The following NCKAP5 variants were observed in gnomAD, a reference collection of about 807,000 sequenced individuals.
NCKAP5 encodes the protein NCK associated protein 5.
In NCKAP5, 92 loss-of-function variants were observed where a neutral mutation model predicts 167.0. The ratio of observed to expected loss-of-function variants is 0.55; its 90% CI spans 0.47 to 0.66. NCKAP5 has a LOEUF of 0.66. Ranked by LOEUF, NCKAP5 falls within the 30% of genes least tolerant of loss-of-function variation. The pLI, the probability that NCKAP5 is intolerant of heterozygous loss-of-function variation, is 0.00. For missense variants in NCKAP5, 2,378 were observed against 2,315.0 expected, an observed-to-expected ratio of 1.03 and a Z score of -0.56; for synonymous variants, 891 against 877.4, an observed-to-expected ratio of 1.02 and a Z score of -0.27.
chr2:133,251,397 T>C (rs2088319659), intron 4 of NCKAP5, among the ~76,000 whole-genome samples: 1 of 151,992 alleles, frequency 6.6e-6, no homozygotes, highest in Non-Finnish European at 1.5e-5. Context: ...ACCCAGACCC[T>C]AAAACTGCCA....
chr2:133,220,153 A>G (rs2086600772), intron 4 of NCKAP5, among the ~76,000 whole-genome samples: 1 of 152,332 alleles, frequency 6.6e-6, no homozygotes, highest in Non-Finnish European at 1.5e-5. Context: ...GCCTCAGTTC[A>G]TCTGCTGGAA....
chr2:133,237,445 GA>G (rs565638084), intron 4 of NCKAP5, among the ~76,000 whole-genome samples: 1 of 152,134 alleles, frequency 6.6e-6, no homozygotes, highest in Non-Finnish European at 1.5e-5. Context: ...AAAAACTGAA[GA>G]AAAAACTTCA....
chr2:133,599,937 A>G, the NCKAP5 span, among the ~76,000 whole-genome samples: 1 of 152,222 alleles, frequency 6.6e-6, no homozygotes, highest in South Asian at 2.1e-4. Context: ...AATCCGTCAC[A>G]CACCCTGTGG....
At chr2:133,030,576 C>G (rs2078847453) in intron 6 of NCKAP5, among the ~76,000 whole-genome samples, 2 of 152,148 alleles carry the variant, frequency 1.3e-5, no homozygotes, top group South Asian at 4.1e-4. Context: ...AAGGTAAGTA[C>G]AAAGCATTCT....
chr2:133,213,622 A>C, intron 5 of NCKAP5, 94 bp downstream of exon 5: 1 of 1,222,128 alleles, frequency 8.2e-7, no homozygotes, highest in Non-Finnish European at 1.2e-6. Flanking sequence ...CTGCAAGCAA[A>C]TATTTTCCTT....
In NCKAP5 at chr2:133,543,159, T is replaced by G. The variant is rs1040153268; in HGVS notation, c.-62+15891A>C. Among the ~76,000 whole-genome samples, 5 of 152,210 alleles carry G rather than the reference T, an allele frequency of 3.3e-5. 1 individual carries two copies. The highest frequency in any genetic ancestry group is 2.0e-4 in the Admixed American group (3 of 15,280). The stretch of plus-strand genomic sequence containing the variant: ...CTTGCAGTAATGTGTGAGTTCTGAT[T>G]CTATGAGTTAACATGAGATCTGGTT... On this transcript the variant is annotated intron_variant, in intron 2 of 19. Transcript: ENST00000409261.
chr2:132,700,856 A>G (rs947171927), intron 19 of NCKAP5, among the ~76,000 whole-genome samples: 1 of 147,792 alleles, frequency 6.8e-6, no homozygotes, highest in African/African-American at 2.5e-5. Context: ...AATCCATTTC[A>G]ACTTTCAAAT....
chr2:133,147,650 G>A (rs1288010898), intron 5 of NCKAP5, among the ~76,000 whole-genome samples: 1 of 152,094 alleles, frequency 6.6e-6, no homozygotes, highest in Non-Finnish European at 1.5e-5. Context: ...ACCAAGGCTA[G>A]ATAAGCATAT....
Position 132,711,678 on chromosome 2 carries a change from T to A in NCKAP5, c.5713+13949A>T, listed in dbSNP as rs1249387116. Among the ~76,000 whole-genome samples, 6 of 152,144 alleles carry A rather than the reference T, an allele frequency of 3.9e-5. No individual in the cohort carries two copies. The South Asian group carries it at 1.2e-3, about 31-fold the overall frequency. ...TATCCATAATCCATAAATATCCTAT[T>A]TTCCCCAGCTGTGTAATACTGTGCA... is the stretch of plus-strand genomic sequence containing the variant. On this transcript the variant is annotated intron_variant, in intron 19 of 19. Coordinates refer to ENST00000409261, the MANE Select transcript of NCKAP5 (RefSeq NM_207363.3).
At chr2:133,508,340 C>T (rs910017087) in intron 3 of NCKAP5, among the ~76,000 whole-genome samples, 2 of 152,158 alleles carry the variant, frequency 1.3e-5, no homozygotes, top group East Asian at 1.9e-4. Flanking sequence ...GGGAAGCCCT[C>T]GCTGATCAAT....
rs150879634 is a variant in NCKAP5 at position 132,736,814 on chromosome 2, A to G, written c.5129-4763T>C. On this transcript the variant is annotated intron_variant, in intron 16 of 19. Transcript: ENST00000409261. ...AAAACAAAACAAGAAACAAAATGAA[A>G]AACAAAAAAAACCCCACAAATGTAA... Among the ~76,000 whole-genome samples the G allele has an allele frequency of 4.3e-3, 660 of 152,204 alleles. 5 individuals carry two copies. Among genetic ancestry groups the G allele is most frequent in the African/African-American group, 0.015 (619 of 41,528 alleles).
intron 6 of NCKAP5, among the ~76,000 whole-genome samples, chr2:133,016,645 T>C (rs1406066839): frequency 6.6e-6 from 1 of 152,208 alleles, no homozygotes; most frequent in Admixed American, 6.5e-5. Context: ...GTTTTCCAAG[T>C]CTGGACATGT....
At chr2:133,023,480 T>C (rs562646074) in intron 6 of NCKAP5, among the ~76,000 whole-genome samples, 1 of 152,332 alleles carries the variant, frequency 6.6e-6, no homozygotes, top group African/African-American at 2.4e-5. Flanking sequence ...ATTTAGGGGG[T>C]ACATGTACAG....
At chr2:133,129,332 G>A (rs1169678652) in intron 6 of NCKAP5, among the ~76,000 whole-genome samples, 3 of 151,874 alleles carry the variant, frequency 2.0e-5, no homozygotes, top group Admixed American at 1.3e-4. Context: ...ACCTATGAGT[G>A]AGAACATGTG....
chr2:133,599,417 G>A, the NCKAP5 span, among the ~76,000 whole-genome samples: 1 of 152,180 alleles, frequency 6.6e-6, no homozygotes, highest in Non-Finnish European at 1.5e-5. Flanking sequence ...CAGATACAAA[G>A]TACAGGATTG....
intron 4 of NCKAP5, among the ~76,000 whole-genome samples, chr2:133,253,293 G>A (rs2088443959): frequency 6.6e-6 from 1 of 152,232 alleles, no homozygotes; most frequent in Non-Finnish European, 1.5e-5. Flanking sequence ...CTCTGTGCCA[G>A]GCATTCTGCC....
chr2:133,666,958 G>A, the NCKAP5 span, among the ~76,000 whole-genome samples: 3 of 151,942 alleles, frequency 2.0e-5, no homozygotes, highest in Non-Finnish European at 2.9e-5. Context: ...GGGCTAAAGA[G>A]GAAGGACTTG....
In NCKAP5 at chr2:132,784,288, A is replaced by C; in HGVS notation, c.2523T>G (p.Pro841=). 1 of 1,613,368 alleles carries C rather than the reference A, an allele frequency of 6.2e-7. No individual in the cohort carries two copies. The highest frequency in any genetic ancestry group is 8.5e-7 in the Non-Finnish European group (1 of 1,179,724). ...TCTTCATGAATCGTGAGAGTTTCCCAGGAGCTAAGGCTGGTGATTTTTCAA... is the reference window on the plus strand; with the variant it reads ...TCTTCATGAATCGTGAGAGTTTCCCCGGAGCTAAGGCTGGTGATTTTTCAA... ...VTLEKSPALA[P]GKLSRFMKTE... Residue 841 remains proline, a synonymous_variant, in exon 14 of 20, where the codon CCT becomes CCG. Coordinates refer to ENST00000409261, the MANE Select transcript of NCKAP5 (RefSeq NM_207363.3).
the NCKAP5 span, among the ~76,000 whole-genome samples, chr2:133,666,626 T>G: frequency 6.6e-6 from 1 of 152,096 alleles, no homozygotes; most frequent in Non-Finnish European, 1.5e-5. Context: ...AAAATAATGT[T>G]GTAATGAATA....
Sources: allele counts gnomAD v4.1 joint callset (sites outside exome capture counted in the v4.1 genomes callset), GRCh38; gene constraint gnomAD v4.1.1; transcripts MANE v1.5; gene names NCBI Gene and HGNC (gene_info 2026-07-23, HGNC 2026-07-21).